The following ARHGAP6 variants were observed in gnomAD, a reference collection of about 807,000 sequenced individuals.
The protein encoded by ARHGAP6 is rho GTPase-activating protein 6.
A neutral mutation model predicts 55.7 loss-of-function variants in ARHGAP6; 16 were observed. That is an observed-to-expected ratio of 0.29 (90% CI 0.19 to 0.44). ARHGAP6 has a LOEUF of 0.44. Ranked by LOEUF, ARHGAP6 falls within the 20% of genes least tolerant of loss-of-function variation. The probability of loss-of-function intolerance (pLI) is 1.00; values close to 1 mark genes in which losing one functional copy is unlikely to be tolerated. For missense variants in ARHGAP6, 698 were observed against 808.9 expected (o/e 0.86, Z 1.66); for synonymous variants, 382 against 360.9 (o/e 1.06, Z -0.66).
At chrX:11,271,437 TTG>T (rs1443024326) in intron 1 of ARHGAP6, among the ~76,000 whole-genome samples, 1 of 111,970 alleles carries the variant, frequency 8.9e-6, no homozygotes, top group Admixed American at 9.5e-5. Context: ...TTTGGTGACA[TTG>T]TGTTTCATCA....
intron 1 of ARHGAP6, among the ~76,000 whole-genome samples, chrX:11,358,772 G>A (rs772470801): frequency 3.6e-5 from 4 of 111,627 alleles, no homozygotes; most frequent in South Asian, 7.4e-4. Context: ...GTGAGCCACC[G>A]TGCCCGGCCT....
At chrX:11,607,162 T>C (rs1452866624) in intron 1 of ARHGAP6, among the ~76,000 whole-genome samples, 1 of 112,403 alleles carries the variant, frequency 8.9e-6, no homozygotes, top group Non-Finnish European at 1.9e-5. Flanking sequence ...TGTATGAACA[T>C]ATTCCTGGCA....
chrX:11,532,398 C>T (rs925836256), intron 1 of ARHGAP6, among the ~76,000 whole-genome samples: 6 of 112,399 alleles, frequency 5.3e-5, no homozygotes, highest in Non-Finnish European at 1.1e-4. Flanking sequence ...TGTGGGTACA[C>T]TGCTATGTGT....
chrX:11,551,067 G>A (rs963424859), intron 1 of ARHGAP6, among the ~76,000 whole-genome samples: 2 of 111,733 alleles, frequency 1.8e-5, no homozygotes, highest in African/African-American at 3.3e-5. Context: ...AGCAAGATTC[G>A]GGAACTGGAG....
At chrX:11,359,987 C>G (rs1402550854) in intron 1 of ARHGAP6, among the ~76,000 whole-genome samples, 2 of 111,682 alleles carry the variant, frequency 1.8e-5, no homozygotes, top group East Asian at 2.8e-4. Context: ...AGACCAATAA[C>G]AGGCTCTGAA....
At chrX:11,621,731 T>A (rs1264343682) in intron 1 of ARHGAP6, among the ~76,000 whole-genome samples, 1 of 111,149 alleles carries the variant, frequency 9.0e-6, no homozygotes, top group African/African-American at 3.3e-5. Context: ...TGAAGAACGG[T>A]ATTTGAACAT....
At chrX:11,461,086 C>G in intron 1 of ARHGAP6, among the ~76,000 whole-genome samples, 1 of 111,882 alleles carries the variant, frequency 8.9e-6, no homozygotes, top group Non-Finnish European at 1.9e-5. Flanking sequence ...TTAGACAGAG[C>G]TGGAGGGTCA....
intron 1 of ARHGAP6, among the ~76,000 whole-genome samples, chrX:11,535,462 G>A (rs185941957): frequency 8.9e-6 from 1 of 112,075 alleles, no homozygotes; most frequent in Non-Finnish European, 1.9e-5. Flanking sequence ...CCTTACATGA[G>A]GCTACTTGTT....
At chrX:11,427,595 T>C in intron 1 of ARHGAP6, 1 of 898,430 alleles carries the variant, frequency 1.1e-6, no homozygotes, top group Non-Finnish European at 1.4e-6. Flanking sequence ...GGGTGCCCCA[T>C]GTCGCCTCCG....
In ARHGAP6 at chrX:11,664,864, C is replaced by T. The variant is rs762058811; in HGVS notation, c.-36G>A. 2.7e-6 allele frequency: 3 copies of T among 1,122,719 alleles called. No homozygotes were observed. The South Asian group carries it at 6.4e-5, about 24-fold the overall frequency. The allele number at this position is 1,122,719 out of a possible 1,213,427, so 92.5% of individuals were successfully genotyped here. A position where few individuals can be genotyped will look rare whatever the true frequency, so the allele number is the denominator to read the frequency against. ...CTGCACCTGAGGACCACCTCCTCCT[C>T]CCTCCCTGGACGCTGGTGGCTTTGG... is the stretch of plus-strand genomic sequence containing the variant. On this transcript the variant is annotated 5_prime_UTR_variant, in exon 1 of 13. Coordinates refer to ENST00000337414, the MANE Select transcript of ARHGAP6 (RefSeq NM_013427.3).
intron 2 of ARHGAP6, among the ~76,000 whole-genome samples, chrX:11,230,301 G>A (rs1426515773): frequency 9.0e-6 from 1 of 111,441 alleles, no homozygotes; most frequent in Admixed American, 9.5e-5. Context: ...GAGTTCAAGC[G>A]ATTCTCCTCC....
Position 11,590,910 on chromosome X carries a change from G to GAAAGAAAGAAAAGAAAAGAAAAGA in ARHGAP6, c.588+73330_588+73331insTCTTTTCTTTTCTTTTCTTTCTTT, listed in dbSNP as rs1556119234. On this transcript the variant is annotated intron_variant, in intron 1 of 12. Transcript: ENST00000337414. The stretch of plus-strand genomic sequence containing the variant: ...AGAAAGAAAGAAAGAAAGAAAGAAA[G>GAAAGAAAGAAAAGAAAAGAAAAGA]AAAGAAAAGAAAAGAAAAGATAAGT... Among the ~76,000 whole-genome samples, 2 of 83,843 alleles carry GAAAGAAAGAAAAGAAAAGAAAAGA rather than the reference G, an allele frequency of 2.4e-5. 1 individual carries two copies. The highest frequency in any genetic ancestry group is 9.5e-5 in the African/African-American group (2 of 20,946). 72.8% of individuals were successfully genotyped at this position (83,843 alleles called of 115,157 possible). A position where few individuals can be genotyped will look rare whatever the true frequency, so the allele number is the denominator to read the frequency against.
chrX:11,333,792 G>A (rs1452583619), intron 1 of ARHGAP6, among the ~76,000 whole-genome samples: 1 of 112,070 alleles, frequency 8.9e-6, no homozygotes, highest in Non-Finnish European at 1.9e-5. Flanking sequence ...ACAAACTTGA[G>A]GCTGACTGTT....
At chrX:11,385,440 T>C (rs1046337628) in intron 1 of ARHGAP6, among the ~76,000 whole-genome samples, 2 of 111,811 alleles carry the variant, frequency 1.8e-5, no homozygotes, top group Admixed American at 1.9e-4. Context: ...GTAGTAATAT[T>C]GATAAAATAC....
At chrX:11,354,327 C>CTCTCTCTCTA (rs1343744315) in intron 1 of ARHGAP6, among the ~76,000 whole-genome samples, 33 of 32,346 alleles carry the variant, frequency 1.0e-3, no homozygotes, top group Non-Finnish European at 1.6e-3. Flanking sequence ...CTCTCTCTCT[C>CTCTCTCTCTA]TATATATATA....
chrX:11,311,550 T>G (rs1222958645), intron 1 of ARHGAP6, among the ~76,000 whole-genome samples: 1 of 111,624 alleles, frequency 9.0e-6, no homozygotes, highest in Non-Finnish European at 1.9e-5. Flanking sequence ...TTTTGGCCAA[T>G]ATGTAACTTT....
chrX:11,300,072 C>T (rs1006265595), intron 1 of ARHGAP6, among the ~76,000 whole-genome samples: 4 of 111,849 alleles, frequency 3.6e-5, no homozygotes, highest in African/African-American at 6.5e-5. Flanking sequence ...CCCAAGTAAT[C>T]GGTGCCTATC....
intron 1 of ARHGAP6, among the ~76,000 whole-genome samples, chrX:11,282,413 A>G (rs886086017): frequency 9.0e-6 from 1 of 111,551 alleles, no homozygotes; most frequent in African/African-American, 3.3e-5. Flanking sequence ...TCCTGCTAAA[A>G]CTCTGGGGAT....
At chrX:11,375,102 T>C (rs1308144087) in intron 1 of ARHGAP6, among the ~76,000 whole-genome samples, 1 of 112,413 alleles carries the variant, frequency 8.9e-6, no homozygotes, top group East Asian at 2.8e-4. Flanking sequence ...ATAGAATGAA[T>C]TTATGAATGA....
Sources: gnomAD v4.1 joint callset for allele counts (sites outside exome capture counted in the v4.1 genomes callset) on GRCh38, gnomAD v4.1.1 for gene constraint, MANE v1.5 for transcripts, NCBI Gene and HGNC (gene_info 2026-07-23, HGNC 2026-07-21) for gene names.